Variants in SLC26A5 observed in about 807,000 individuals in gnomAD.
SLC26A5 encodes the protein solute carrier family 26 member 5.
In SLC26A5, 51 loss-of-function variants were observed where a neutral mutation model predicts 81.0. The ratio of observed to expected loss-of-function variants is 0.63; its 90% CI spans 0.50 to 0.80. The LOEUF (loss-of-function observed/expected upper bound fraction) is 0.80, where lower values mean the gene tolerates loss of function less well. Among genes scored for constraint, SLC26A5 ranks in the 30% least tolerant of loss-of-function variants. The probability of loss-of-function intolerance (pLI) is 0.00; values close to 1 mark genes in which losing one functional copy is unlikely to be tolerated. For missense variants in SLC26A5, 771 were observed against 905.8 expected (o/e 0.85, Z 1.91); for synonymous variants, 325 against 332.8 (o/e 0.98, Z 0.25).
At chr7:103,357,206 A>G (rs1248567432) in intron 19 of SLC26A5, among the ~76,000 whole-genome samples, 1 of 151,898 alleles carries the variant, frequency 6.6e-6, no homozygotes, top group Non-Finnish European at 1.5e-5. Flanking sequence ...GGCGCTTGTA[A>G]TCCCAGCTAC....
At chr7:103,372,470 G>A (rs1821094996), downstream of SLC26A5, among the ~76,000 whole-genome samples, 1 of 152,208 alleles carries the variant, frequency 6.6e-6, no homozygotes, top group African/African-American at 2.4e-5. Context: ...GCTTTAGACA[G>A]GTTGGCTAAT....
intron 4 of SLC26A5, among the ~76,000 whole-genome samples, chr7:103,414,485 C>G (rs1263492001): frequency 6.6e-6 from 1 of 152,048 alleles, no homozygotes; most frequent in Non-Finnish European, 1.5e-5. Flanking sequence ...CCAGTTTGGC[C>G]TTTTTTAGAA....
intron 8 of SLC26A5, among the ~76,000 whole-genome samples, chr7:103,398,363 T>C (rs1009142016): frequency 6.6e-6 from 1 of 152,210 alleles, no homozygotes; most frequent in Non-Finnish European, 1.5e-5. Flanking sequence ...CACAATGTTA[T>C]GAATAAAGGA....
chr7:103,411,370 T>G (rs759793578), intron 6 of SLC26A5, 50 bp downstream of exon 6: 146 of 1,608,600 alleles, frequency 9.1e-5, no homozygotes, highest in Non-Finnish European at 1.1e-4. Flanking sequence ...CAGTAGATAC[T>G]TGTTAGGTTA....
In SLC26A5 at chr7:103,366,267, T is replaced by C; in HGVS notation, c.2041+10541A>G. 8.1e-6 allele frequency: 8 copies of C among 993,356 alleles called. No homozygotes were observed. In the South Asian group the frequency reaches 1.0e-4, roughly 13 times the overall value. The allele number at this position is 993,356 out of a possible 1,614,324, so 61.5% of individuals were successfully genotyped here. A position where few individuals can be genotyped will look rare whatever the true frequency, so the allele number is the denominator to read the frequency against. ...TCTTGTACAGAATTTTAACTCCAACTCTTCTATGAGCTCTGAAACAGTGGC... is the reference window on the plus strand; with the variant it reads ...TCTTGTACAGAATTTTAACTCCAACCCTTCTATGAGCTCTGAAACAGTGGC... On this transcript the variant is annotated intron_variant, in intron 19 of 19. Transcript: ENST00000339444.
chr7:103,445,344 T>C (rs1242516493), intron 1 of SLC26A5: 1 of 152,116 alleles, frequency 6.6e-6, no homozygotes, highest in African/African-American at 2.4e-5. Context: ...GTCAACCAAG[T>C]CAATTGGTTC....
intron 8 of SLC26A5, among the ~76,000 whole-genome samples, chr7:103,399,022 GT>G (rs1255505327): frequency 2.6e-5 from 4 of 152,056 alleles, no homozygotes; most frequent in African/African-American, 9.7e-5. Flanking sequence ...TTATACAGTG[GT>G]TAAGTAATTT....
exon 20 of SLC26A5, chr7:103,352,886 T>A (rs775221111): frequency 1.3e-6 from 1 of 780,944 alleles, no homozygotes; most frequent in South Asian, 1.3e-5. Flanking sequence ...ACACGGCATT[T>A]CCCCTACGGT....
At chr7:103,397,885 T>C in intron 9 of SLC26A5, 47 bp downstream of exon 9, 3 of 1,337,772 alleles carry the variant, frequency 2.2e-6, no homozygotes, top group Non-Finnish European at 3.2e-6. Context: ...AGGCAATAGA[T>C]CCATTGATTA....
At chr7:103,397,885 T>A (rs753229162) in intron 9 of SLC26A5, 47 bp downstream of exon 9, 2 of 1,337,772 alleles carry the variant, frequency 1.5e-6, no homozygotes, top group East Asian at 4.6e-5. Flanking sequence ...AGGCAATAGA[T>A]CCATTGATTA....
intron 1 of SLC26A5, chr7:103,445,407 T>G (rs1827214494): frequency 6.6e-6 from 1 of 152,256 alleles, no homozygotes; most frequent in Admixed American, 6.5e-5. Flanking sequence ...CTTCGAGAGT[T>G]CAGCGTGTCA....
chr7:103,418,859 C>G (rs114516457), intron 4 of SLC26A5, among the ~76,000 whole-genome samples: 1 of 152,112 alleles, frequency 6.6e-6, no homozygotes, highest in African/African-American at 2.4e-5. Flanking sequence ...CCATTCCCCC[C>G]ACAGCAGTCT....
chr7:103,367,408 C>T lies in SLC26A5; in HGVS notation c.2041+9400G>A, dbSNP rs749206571. The T allele has an allele frequency of 1.4e-5, 22 of 1,613,054 alleles. No homozygotes were observed. Among genetic ancestry groups the T allele is most frequent in the Non-Finnish European group, 1.8e-5 (21 of 1,179,848 alleles). On this transcript the variant is annotated intron_variant, in intron 19 of 19. Transcript: ENST00000339444. The surrounding 1 kb of genome is among the most constrained non-coding windows in gnomAD (Gnocchi z 6.1). The stretch of plus-strand genomic sequence containing the variant: ...AAGAGCTTATCTTTCCTTTTGTCTT[C>T]TCAGGGGCTCGTTTTGATGATGGTG...
intron 8 of SLC26A5, among the ~76,000 whole-genome samples, chr7:103,404,462 T>A (rs1222589745): frequency 6.6e-6 from 1 of 152,204 alleles, no homozygotes; most frequent in Non-Finnish European, 1.5e-5. Flanking sequence ...TGGCTGGATG[T>A]GAAATTCTGG....
chr7:103,388,735 A>T (rs1039889619), intron 14 of SLC26A5: 1 of 393,046 alleles, frequency 2.5e-6, no homozygotes, highest in African/African-American at 2.1e-5. Flanking sequence ...GGAATGGCAG[A>T]AACAATGATG....
chr7:103,395,343 CTTT>C lies in SLC26A5; in HGVS notation c.972-2280_972-2278del, dbSNP rs34420602. On this transcript the variant is annotated intron_variant, in intron 9 of 19. Transcript: ENST00000306312. ...TAGCCTGTTTCCAGAAACGTAAGGT[CTTT>C]TTTTTTTTTTTTTTTTAGTTAAGCT... Among the ~76,000 whole-genome samples the C allele has an allele frequency of 1.8e-4, 19 of 105,140 alleles. No individual in the cohort carries two copies. The South Asian group carries it at 3.2e-3, about 18-fold the overall frequency. The allele number at this position is 105,140 out of a possible 152,430, so 69.0% of individuals were successfully genotyped here.
At chr7:103,405,142 C>T (rs985793434) in intron 8 of SLC26A5, among the ~76,000 whole-genome samples, 16 of 152,016 alleles carry the variant, frequency 1.1e-4, no homozygotes, top group Admixed American at 3.3e-4. Flanking sequence ...TCCTTTAGCT[C>T]GGAGGAGTTT....
chr7:103,402,507 C>T (rs1475236178), intron 8 of SLC26A5, among the ~76,000 whole-genome samples: 1 of 149,580 alleles, frequency 6.7e-6, no homozygotes, highest in East Asian at 2.0e-4. Context: ...TCAAGTGATT[C>T]TCCTGCCTCA....
At chr7:103,406,255 T>A (rs1411947064) in intron 8 of SLC26A5, among the ~76,000 whole-genome samples, 5 of 152,156 alleles carry the variant, frequency 3.3e-5, no homozygotes, top group African/African-American at 4.8e-5. Flanking sequence ...TAGCTCAGTG[T>A]CTGCCCAAAT....
Sources: allele counts gnomAD v4.1 joint callset (sites outside exome capture counted in the v4.1 genomes callset), GRCh38; gene constraint gnomAD v4.1.1; non-coding constraint Gnocchi (gnomAD v3.1); transcripts MANE v1.5; gene names NCBI Gene and HGNC (gene_info 2026-07-23, HGNC 2026-07-21).